Variants in PCDHGA1 observed in about 807,000 individuals in gnomAD.
The protein encoded by PCDHGA1 is protocadherin gamma-A1.
Under a neutral mutation model 58.0 loss-of-function variants are expected in PCDHGA1, and 32 were observed. That is an observed-to-expected ratio of 0.55 (90% CI 0.42 to 0.74). The LOEUF (loss-of-function observed/expected upper bound fraction) is 0.74, where lower values mean the gene tolerates loss of function less well. Ranked by LOEUF, PCDHGA1 falls within the 30% of genes least tolerant of loss-of-function variation. The probability of loss-of-function intolerance (pLI) is 0.00; values close to 1 mark genes in which losing one functional copy is unlikely to be tolerated. For missense variants in PCDHGA1, 1,205 were observed against 1,182.3 expected (o/e 1.02, Z -0.28); for synonymous variants, 498 against 501.1 (o/e 0.99, Z 0.08).
At chr5:141,461,861 T>C (rs1445632008) in intron 1 of PCDHGA1, among the ~76,000 whole-genome samples, 8 of 152,182 alleles carry the variant, frequency 5.3e-5, no homozygotes, top group Middle Eastern at 3.4e-3. Flanking sequence ...TTTGCTCTTG[T>C]TGCCCAGGCT....
chr5:141,342,710 A>C (rs1757199640), intron 1 of PCDHGA1: 1 of 152,250 alleles, frequency 6.6e-6, no homozygotes, highest in Admixed American at 6.5e-5. Flanking sequence ...TGTGTGTAGT[A>C]ACTCCACAAG....
chr5:141,357,108 C>G, intron 1 of PCDHGA1: 9 of 1,613,824 alleles, frequency 5.6e-6, no homozygotes, highest in Non-Finnish European at 7.6e-6. Context: ...TGGACAGAGA[C>G]GCGCTCAAGC....
intron 1 of PCDHGA1, chr5:141,415,589 T>C: frequency 1.2e-6 from 2 of 1,614,062 alleles, no homozygotes; most frequent in Non-Finnish European, 1.7e-6. Flanking sequence ...AAGTTTCCTA[T>C]AGAGGATACC....
intron 1 of PCDHGA1, among the ~76,000 whole-genome samples, chr5:141,479,041 C>T (rs1346986831): frequency 1.2e-4 from 18 of 152,100 alleles, no homozygotes; most frequent in Admixed American, 1.2e-3. Flanking sequence ...AGATCGTGTA[C>T]CTCATTCTCA....
At chr5:141,366,358 CAGTATCA>C (rs1426997728) in intron 1 of PCDHGA1, 16 of 1,613,898 alleles carry the variant, frequency 9.9e-6, no homozygotes, top group African/African-American at 1.3e-5. Context: ...CTGACCTAGG[CAGTATCA>C]AGACCCCCAT....
chr5:141,330,808 G>T lies in PCDHGA1; in HGVS notation c.124G>T (p.Gly42Cys), dbSNP rs1481641747. ...CTCAGTGCCGGAAGAGACAGACAAA[G>T]GTTCCTTCGTAGGCAACATCGCCAA... ...HYSVPEETDKGSFVGNIAKDL... is the reference protein window; with the variant it reads ...HYSVPEETDKCSFVGNIAKDL... The change falls in exon 1 of 4, where the codon GGT becomes TGT. Residue 42 changes from glycine (G) to cysteine (C), a missense_variant. Physicochemically the swap from Gly to Cys is radical, Grantham distance 159. Coordinates refer to ENST00000517417, the MANE Select transcript of PCDHGA1 (RefSeq NM_018912.3). The T allele has an allele frequency of 1.9e-6, 3 of 1,614,190 alleles. No individual in the cohort carries two copies. The highest frequency in any genetic ancestry group is 2.2e-5 in the East Asian group (1 of 44,876).
intron 1 of PCDHGA1, chr5:141,430,922 G>A: frequency 1.2e-6 from 2 of 1,607,168 alleles, no homozygotes; most frequent in South Asian, 2.2e-5. Context: ...CCTGGGGCTG[G>A]AGCCCCGGGA....
intron 1 of PCDHGA1, chr5:141,424,694 T>C (rs2096834568): frequency 6.6e-6 from 1 of 152,252 alleles, no homozygotes; most frequent in East Asian, 1.9e-4. Flanking sequence ...TCTGGCTATT[T>C]TTTTGTTCAT....
chr5:141,477,861 G>T lies in PCDHGA1; in HGVS notation c.2422-16946G>T. 6.2e-7 allele frequency: 1 copy of T among 1,612,714 alleles called. No homozygotes were observed. Among genetic ancestry groups the T allele is most frequent in the Non-Finnish European group, 8.5e-7 (1 of 1,179,590 alleles). ...GGGAGCTCGGTGGAGATGCTGCCTC[G>T]AGGTACCTCAGCTGGCCACCTAGTG... On this transcript the variant is annotated intron_variant, in intron 1 of 3. Coordinates refer to ENST00000517417, the MANE Select transcript of PCDHGA1 (RefSeq NM_018912.3). This position sits in a 1 kb window ranked among gnomAD's most constrained non-coding sequence, Gnocchi z 4.9.
intron 1 of PCDHGA1, among the ~76,000 whole-genome samples, chr5:141,450,968 G>A (rs756891993): frequency 5.5e-4 from 84 of 151,848 alleles, no homozygotes; most frequent in Non-Finnish European, 9.0e-4. Context: ...GGGATTACAG[G>A]CATGTGCCAC....
rs772422964 is a variant in PCDHGA1, at chr5:141,331,960, G to C, written c.1276G>C (p.Asp426His). The C allele has an allele frequency of 6.2e-7, 1 of 1,614,106 alleles. No individual in the cohort carries two copies. Among genetic ancestry groups the C allele is most frequent in the Non-Finnish European group, 8.5e-7 (1 of 1,180,028 alleles). Reference sequence around the variant, plus strand: ...GTACAACATCACAATAACAGCAATAGACCAAGGAACTCCAGCTCTATCTAC... The same window carrying C: ...GTACAACATCACAATAACAGCAATACACCAAGGAACTCCAGCTCTATCTAC... The part of the protein sequence containing the change: ...SGYNITITAI[D>H]QGTPALSTET... Residue 426 changes from aspartate (D) to histidine (H), a missense_variant, in exon 1 of 4, where the codon GAC becomes CAC. By Grantham distance (81) the Asp-to-His change is moderately conservative. Coordinates refer to ENST00000517417, the MANE Select transcript of PCDHGA1 (RefSeq NM_018912.3).
Position 141,332,780 on chromosome 5 carries a change from C to T in PCDHGA1, c.2096C>T (p.Ala699Val), listed in dbSNP as rs774370370. ...CTGTACCTGGTGGTGGCGGCGGCCG[C>T]GGTCTCCTGCGTCTTCCTGGCCTTC... ...LTLYLVVAAAAVSCVFLAFVI... is the reference protein window; with the variant it reads ...LTLYLVVAAAVVSCVFLAFVI... The change falls in exon 1 of 4, where the codon GCG (alanine) becomes GTG (valine). Residue 699 changes from alanine to valine, a missense_variant. Transcript: ENST00000517417. This position sits in a 1 kb window ranked among gnomAD's most constrained non-coding sequence, Gnocchi z 4.6. 3.0e-5 allele frequency: 48 copies of T among 1,613,996 alleles called. 1 individual carries two copies. The East Asian group carries it at 9.1e-4, about 31-fold the overall frequency.
chr5:141,350,539 C>A (rs1758498017), intron 1 of PCDHGA1: 1 of 1,613,968 alleles, frequency 6.2e-7, no homozygotes, highest in East Asian at 2.2e-5. Context: ...AGAAGATTTG[C>A]GGAAGGAAAC....
chr5:141,380,196 G>A (rs1002706852), intron 1 of PCDHGA1, among the ~76,000 whole-genome samples: 3 of 152,110 alleles, frequency 2.0e-5, no homozygotes, highest in Non-Finnish European at 2.9e-5. Flanking sequence ...CACTGAGCCC[G>A]GCCTGAAAGG....
chr5:141,372,783 C>T lies in PCDHGA1; in HGVS notation c.2421+39678C>T, dbSNP rs1324941616. On this transcript the variant is annotated intron_variant, in intron 1 of 3. Coordinates refer to ENST00000517417, the MANE Select transcript of PCDHGA1 (RefSeq NM_018912.3). ...TGAAAGTAATGACAATCCAGAAATG[C>T]CTTCTAATTCAGGCAATTTGCAAAA... 5.0e-6 allele frequency: 8 copies of T among 1,606,014 alleles called. No homozygotes were observed. Among genetic ancestry groups the T allele is most frequent in the African/African-American group, 1.3e-5 (1 of 74,834 alleles).
At chr5:141,370,837 C>G (rs1212771531) in intron 1 of PCDHGA1, 1 of 1,614,004 alleles carries the variant, frequency 6.2e-7, no homozygotes, top group Non-Finnish European at 8.5e-7. Context: ...CTGGCTCTCA[C>G]TGGAGCCACA....
intron 1 of PCDHGA1, chr5:141,387,672 C>T (rs1222648666): frequency 5.7e-6 from 4 of 707,372 alleles, no homozygotes; most frequent in Non-Finnish European, 9.1e-6. Flanking sequence ...CTCCAGATCT[C>T]CTCGCGCAGC....
rs191909737 is a variant in PCDHGA1 at position 141,405,622 on chromosome 5, G to A, written c.2421+72517G>A. 9.3e-3 allele frequency: 5,090 copies of A among 544,656 alleles called. 46 individuals are homozygous for A. The highest frequency in any genetic ancestry group is 0.017 in the Admixed American group (494 of 29,130). The allele number at this position is 544,656 out of a possible 1,614,324, so 33.7% of individuals were successfully genotyped here. On this transcript the variant is annotated intron_variant, in intron 1 of 3. Transcript: ENST00000517417. ...GTAGAATAACTGGGACTACAGGCAC[G>A]TGCCACCACGCCCGGCTAATTTTTT...
At chr5:141,394,871 T>A in intron 1 of PCDHGA1, 1 of 1,613,814 alleles carries the variant, frequency 6.2e-7, no homozygotes, top group Non-Finnish European at 8.5e-7. Flanking sequence ...ACCCGAACGA[T>A]TCGAGCCTTA....
Sources: allele counts gnomAD v4.1 joint callset (sites outside exome capture counted in the v4.1 genomes callset), GRCh38; gene constraint gnomAD v4.1.1; non-coding constraint Gnocchi (gnomAD v3.1); transcripts MANE v1.5; gene names NCBI Gene and HGNC (gene_info 2026-07-23, HGNC 2026-07-21).